The following CCNJL variants were observed in gnomAD, a reference collection of about 807,000 sequenced individuals.
The protein encoded by CCNJL is cyclin-J-like protein.
In CCNJL, 33 loss-of-function variants were observed where a neutral mutation model predicts 33.4. The ratio of observed to expected loss-of-function variants is 0.99; its 90% CI spans 0.75 to 1.32. The LOEUF (loss-of-function observed/expected upper bound fraction) is 1.32, where lower values mean the gene tolerates loss of function less well. Ranked by LOEUF, CCNJL falls within the 40% of genes most tolerant of loss-of-function variation. CCNJL has a pLI of 0.00. For missense variants in CCNJL, 512 were observed against 499.7 expected (o/e 1.02, Z -0.23); for synonymous variants, 227 against 220.9 (o/e 1.03, Z -0.24).
intron 5 of CCNJL, chr5:160,254,348 T>C: frequency 1.5e-6 from 1 of 661,272 alleles, no homozygotes; most frequent in Admixed American, 2.5e-5. Flanking sequence ...GGAACAGAGA[T>C]TTTTGCCATC....
chr5:160,255,434 CT>C, intron 5 of CCNJL, 114 bp downstream of exon 5: 1 of 931,938 alleles, frequency 1.1e-6, no homozygotes, highest in South Asian at 1.7e-5. Flanking sequence ...GACCCTGTAG[CT>C]GGAAGAACCA....
Position 160,253,231 on chromosome 5 carries a change from G to C in CCNJL, c.*147C>G. Reference sequence around the variant, plus strand: ...TTATTGAATGTTTTGCTCTGGGTCAGTTTTATTTAAAAGGAGCACAGACCC... The same window carrying C: ...TTATTGAATGTTTTGCTCTGGGTCACTTTTATTTAAAAGGAGCACAGACCC... On this transcript the variant is annotated 3_prime_UTR_variant, in exon 6 of 6. Coordinates refer to ENST00000257536, the MANE Select transcript of CCNJL (RefSeq NM_001308173.3). 1.5e-6 allele frequency: 1 copy of C among 682,488 alleles called. No homozygotes were observed. Among genetic ancestry groups the C allele is most frequent in the South Asian group, 2.7e-5 (1 of 37,132 alleles). The allele number at this position is 682,488 out of a possible 1,614,324, so 42.3% of individuals were successfully genotyped here.
chr5:160,298,211 G>A (rs1382198837), intron 2 of CCNJL, among the ~76,000 whole-genome samples: 3 of 152,166 alleles, frequency 2.0e-5, no homozygotes, highest in Admixed American at 1.3e-4. Flanking sequence ...AGACTATGTT[G>A]AGGCCGGGCG....
intron 2 of CCNJL, among the ~76,000 whole-genome samples, chr5:160,302,936 A>G (rs986664602): frequency 2.6e-5 from 4 of 152,216 alleles, no homozygotes; most frequent in African/African-American, 9.6e-5. Flanking sequence ...TATGCACAGA[A>G]TAGGATTCAC....
At chr5:160,266,942 G>C (rs372480874) in intron 3 of CCNJL, among the ~76,000 whole-genome samples, 2 of 152,108 alleles carry the variant, frequency 1.3e-5, no homozygotes, top group African/African-American at 2.4e-5. Flanking sequence ...CTCACAGTCC[G>C]GGAGGAAGAA....
intron 2 of CCNJL, among the ~76,000 whole-genome samples, chr5:160,305,395 C>G (rs1022043463): frequency 6.6e-6 from 1 of 152,152 alleles, no homozygotes; most frequent in African/African-American, 2.4e-5. Flanking sequence ...ATGGCAGAGG[C>G]CAAATCACTT....
At chr5:160,302,674 T>C (rs1328785378) in intron 2 of CCNJL, among the ~76,000 whole-genome samples, 1 of 152,078 alleles carries the variant, frequency 6.6e-6, no homozygotes, top group East Asian at 1.9e-4. Context: ...TAGCTGGGCG[T>C]CATGGCACAT....
rs1763593877 is a variant in CCNJL, at chr5:160,330,586, C to T, written n.206+8859G>A. Among the ~76,000 whole-genome samples, 3 of 152,208 alleles carry T rather than the reference C, an allele frequency of 2.0e-5. No homozygotes were observed. In the South Asian group the frequency reaches 6.2e-4, roughly 32 times the overall value. ...CATGTCTTCAAAGTGCACCTCCTGGCCACCAGGTCACCCCTGATTGCTTGA... is the reference window on the plus strand; with the variant it reads ...CATGTCTTCAAAGTGCACCTCCTGGTCACCAGGTCACCCCTGATTGCTTGA... On this transcript the variant is annotated intron_variant and non_coding_transcript_variant, in intron 1 of 7. Coordinates refer to the CCNJL transcript ENST00000377503.
intron 4 of CCNJL, 78 bp from the exon 5 acceptor site, chr5:160,255,786 C>CA: frequency 7.9e-7 from 1 of 1,272,828 alleles, no homozygotes; most frequent in Non-Finnish European, 1.1e-6. Flanking sequence ...AATGGATGGA[C>CA]AAATGAATCG....
chr5:160,308,150 G>C (rs908220771), intron 2 of CCNJL, among the ~76,000 whole-genome samples: 9 of 152,184 alleles, frequency 5.9e-5, no homozygotes, highest in African/African-American at 1.9e-4. Context: ...CTTACTCTGA[G>C]CAGCACTATG....
chr5:160,259,377 C>T (rs755859592), intron 4 of CCNJL, 92 bp downstream of exon 4: 21 of 1,172,130 alleles, frequency 1.8e-5, no homozygotes, highest in Non-Finnish European at 2.5e-5. Context: ...AAGGCCTGAT[C>T]TGGATGGACA....
At chr5:160,282,487 T>C (rs1045828389) in intron 2 of CCNJL, among the ~76,000 whole-genome samples, 5 of 152,152 alleles carry the variant, frequency 3.3e-5, no homozygotes, top group African/African-American at 4.8e-5. Context: ...ACATTTATGC[T>C]TCCAAAGATA....
At chr5:160,313,960 G>A (rs138185989), upstream of CCNJL, among the ~76,000 whole-genome samples, 901 of 152,336 alleles carry the variant, frequency 5.9e-3, 12 homozygotes, top group African/African-American at 0.02. Context: ...CTGAGGTCAG[G>A]AGTTTGAGAC....
At position 160,280,618 on chromosome 5, in the gene CCNJL, C is replaced by T; in HGVS notation, c.187G>A (p.Ala63Thr). 1 of 1,613,604 alleles carries T rather than the reference C, an allele frequency of 6.2e-7. No homozygotes were observed. Among genetic ancestry groups the T allele is most frequent in the Non-Finnish European group, 8.5e-7 (1 of 1,179,998 alleles). The change falls in exon 3 of 6, where the codon GCC becomes ACC. Residue 63 changes from alanine to threonine, a missense_variant. Ala to Thr is a moderately conservative substitution (Grantham distance 58, BLOSUM62 0). Coordinates refer to ENST00000257536, the MANE Select transcript of CCNJL (RefSeq NM_001308173.3). ...CQLCPAARHL[A>T]VYLLDHFMDR... is the part of the protein sequence containing the mutation. ...ATGAAGTGGTCCAGCAGGTAGACGGCCAGGTGCCGGGCTGCAGGGCAGAGC... is the reference window on the plus strand; with the variant it reads ...ATGAAGTGGTCCAGCAGGTAGACGGTCAGGTGCCGGGCTGCAGGGCAGAGC...
intron 2 of CCNJL, among the ~76,000 whole-genome samples, chr5:160,301,723 C>T (rs111778173): frequency 0.014 from 2,129 of 150,288 alleles, 38 homozygotes; most frequent in Admixed American, 0.052. Flanking sequence ...GTGTGAGCCA[C>T]CGCACCCGGT....
At chr5:160,310,355 A>T (rs1196434838) in intron 2 of CCNJL, among the ~76,000 whole-genome samples, 1 of 152,252 alleles carries the variant, frequency 6.6e-6, no homozygotes, top group East Asian at 1.9e-4. Flanking sequence ...CCAAGGGAAC[A>T]GATGAAAGCC....
intron 3 of CCNJL, among the ~76,000 whole-genome samples, chr5:160,265,639 A>C (rs1761549172): frequency 6.6e-6 from 1 of 151,366 alleles, no homozygotes; most frequent in Admixed American, 6.6e-5. Flanking sequence ...CATCTCAAAA[A>C]AAAAAGGAAA....
chr5:160,326,320 C>T (rs906755163), intron 1 of CCNJL, among the ~76,000 whole-genome samples: 1 of 151,720 alleles, frequency 6.6e-6, no homozygotes, highest in Non-Finnish European at 1.5e-5. Context: ...ACTAAAAATA[C>T]AAAAATTAGC....
At position 160,253,667 on chromosome 5, in the gene CCNJL, G is replaced by T; in HGVS notation, c.875C>A (p.Ala292Glu). 1 of 1,608,760 alleles carries T rather than the reference G, an allele frequency of 6.2e-7. No homozygotes were observed. The highest frequency in any genetic ancestry group is 8.5e-7 in the Non-Finnish European group (1 of 1,176,520). ...PPAYPALGQP[A>E]TTLAQFQTPV... ...GGTCTGGAACTGTGCCAGGGTGGTC[G>T]CTGGCTGGCCGAGGGCCGGGTAGGC... The change falls in exon 6 of 6, where the codon GCG becomes GAG. Residue 292 changes from alanine to glutamate, a missense_variant. Physicochemically the swap from Ala to Glu is moderately radical, Grantham distance 107 (BLOSUM62 -1). Coordinates refer to ENST00000257536, the MANE Select transcript of CCNJL (RefSeq NM_001308173.3).
Sources: allele counts gnomAD v4.1 joint callset (sites outside exome capture counted in the v4.1 genomes callset), GRCh38; gene constraint gnomAD v4.1.1; transcripts MANE v1.5; gene names NCBI Gene and HGNC (gene_info 2026-07-23, HGNC 2026-07-21).